ANK1: variants seen among roughly 807,000 people sequenced by gnomAD.
The protein encoded by ANK1 is ankyrin-1.
ANK1 carries 51 observed loss-of-function variants against 210.4 expected under a neutral mutation model. The observed-to-expected ratio is 0.24, with a 90% CI of 0.19 to 0.31. ANK1 has a LOEUF of 0.31. Ranked by LOEUF, ANK1 falls within the 10% of genes least tolerant of loss-of-function variation. The probability of loss-of-function intolerance (pLI) is 1.00; values close to 1 mark genes in which losing one functional copy is unlikely to be tolerated. For missense variants in ANK1, 2,051 were observed against 2,504.4 expected (o/e 0.82, Z 3.86); for synonymous variants, 967 against 1,025.9 (o/e 0.94, Z 1.10).
rs34773901 is a variant in ANK1, at chr8:41,740,162, ATT to A, written c.130-6095_130-6094del. On this transcript the variant is annotated intron_variant, in intron 2 of 42. Transcript: ENST00000289734. ...CTTGTTTTTTTTGTGTTTGTTTTTG[ATT>A]TTTTTTTTTTTTTTAGATGGAGTTT... 4.2e-3 allele frequency among the ~76,000 whole-genome samples: 576 copies of A among 137,398 alleles called. 2 individuals carry two copies. Among genetic ancestry groups the A allele is most frequent in the Non-Finnish European group, 5.2e-3 (337 of 64,616 alleles). The allele number at this position is 137,398 out of a possible 152,430, so 90.1% of individuals were successfully genotyped here.
intron 39 of ANK1, among the ~76,000 whole-genome samples, chr8:41,667,796 C>T (rs577480469): frequency 3.7e-4 from 57 of 152,228 alleles, no homozygotes; most frequent in African/African-American, 9.6e-4. Flanking sequence ...GTAACTTTGG[C>T]GACATTCCAA....
At chr8:41,667,007 A>C (rs924977546) in intron 39 of ANK1, among the ~76,000 whole-genome samples, 1 of 152,184 alleles carries the variant, frequency 6.6e-6, no homozygotes, top group African/African-American at 2.4e-5. Flanking sequence ...AGTGGAAAAA[A>C]GTGCTGTAGG....
At chr8:41,822,785 A>G (rs1439224146) in intron 1 of ANK1, among the ~76,000 whole-genome samples, 1 of 152,158 alleles carries the variant, frequency 6.6e-6, no homozygotes, top group Non-Finnish European at 1.5e-5. Context: ...TCCCACCAAC[A>G]GGGGCCGCTG....
At chr8:41,689,683 C>T (rs1770710725) in intron 33 of ANK1, among the ~76,000 whole-genome samples, 1 of 152,146 alleles carries the variant, frequency 6.6e-6, no homozygotes, top group Non-Finnish European at 1.5e-5. Context: ...GACAAATGAA[C>T]ATACGTGGCC....
At chr8:41,719,613 C>A (rs200261693) in intron 10 of ANK1, 48 bp downstream of exon 10, 11 of 1,611,804 alleles carry the variant, frequency 6.8e-6, no homozygotes, top group Non-Finnish European at 9.3e-6. Context: ...CTCCTGCCCC[C>A]AGCCTGCCCT....
intron 2 of ANK1, among the ~76,000 whole-genome samples, chr8:41,753,263 A>G (rs554988152): frequency 1.3e-5 from 2 of 152,002 alleles, no homozygotes; most frequent in Non-Finnish European, 2.9e-5. Flanking sequence ...AAATAGTTCC[A>G]TCATGTAGGC....
upstream of ANK1, among the ~76,000 whole-genome samples, chr8:41,800,795 G>A (rs761468140): frequency 2.2e-4 from 34 of 152,184 alleles, no homozygotes; most frequent in African/African-American, 4.8e-4. Context: ...GCGTGATCTC[G>A]GCTCTACCTC....
intron 2 of ANK1, 75 bp from the exon 3 acceptor site, chr8:41,734,144 GC>G (rs1476811689): frequency 1.6e-6 from 2 of 1,285,646 alleles, no homozygotes; most frequent in Admixed American, 3.4e-5. Flanking sequence ...GGGGGCCCAG[GC>G]CCCTTCCCAG....
At chr8:41,785,700 G>A (rs559660446) in intron 1 of ANK1, among the ~76,000 whole-genome samples, 5 of 152,322 alleles carry the variant, frequency 3.3e-5, no homozygotes, top group East Asian at 1.9e-4. Flanking sequence ...CATCACTTCC[G>A]GGCCTGGGCC....
chr8:41,777,578 T>A (rs906027906), intron 1 of ANK1, among the ~76,000 whole-genome samples: 2 of 151,868 alleles, frequency 1.3e-5, no homozygotes, highest in Non-Finnish European at 2.9e-5. Flanking sequence ...CAAGACTCCG[T>A]CTCAAAAAAA....
At chr8:41,658,049 T>G (rs1310478805) in intron 42 of ANK1, among the ~76,000 whole-genome samples, 9 of 152,150 alleles carry the variant, frequency 5.9e-5, no homozygotes, top group African/African-American at 2.2e-4. Context: ...GTCCAGCTAA[T>G]TTTTAAACTT....
At chr8:41,801,846 C>T (rs896096548), upstream of ANK1, among the ~76,000 whole-genome samples, 1 of 152,090 alleles carries the variant, frequency 6.6e-6, no homozygotes, top group African/African-American at 2.4e-5. Flanking sequence ...TTTTAACGAA[C>T]TAATATGGGT....
intron 38 of ANK1, among the ~76,000 whole-genome samples, chr8:41,670,924 G>A (rs1347586810): frequency 6.6e-6 from 1 of 152,214 alleles, no homozygotes; most frequent in East Asian, 1.9e-4. Flanking sequence ...CGCTTCCTGT[G>A]CTAGCCCAGG....
chr8:41,661,668 C>G lies in ANK1; in HGVS notation c.5545-104G>C, dbSNP rs781706028. On this transcript the variant is annotated intron_variant, in intron 41 of 42. Transcript: ENST00000289734. ...CACACGGAGGTGGCAGACACACTGC[C>G]CACCAGGGAGAAGAGAGACTGGAGA... The G allele has an allele frequency of 5.6e-6, 9 of 1,601,146 alleles. No homozygotes were observed. In the East Asian group the frequency reaches 2.0e-4, roughly 36 times the overall value.
upstream of ANK1, chr8:41,797,647 G>A (rs1477896780): frequency 6.6e-7 from 1 of 1,506,266 alleles, no homozygotes; most frequent in Non-Finnish European, 8.9e-7. The surrounding 1 kb of genome is among the most constrained non-coding windows in gnomAD (Gnocchi z 4.0). Context: ...GTGCGGGCCA[G>A]GCCCCCGAGG....
chr8:41,781,603 G>A (rs546318987), intron 1 of ANK1, among the ~76,000 whole-genome samples: 1 of 152,322 alleles, frequency 6.6e-6, no homozygotes, highest in South Asian at 2.1e-4. Flanking sequence ...GCAAGAGCAG[G>A]AGGCATGGCA....
Position 41,692,880 on chromosome 8 carries a change from A to C in ANK1, c.3630-4T>G, listed in dbSNP as rs754044960. The C allele has an allele frequency of 1.2e-6, 2 of 1,613,058 alleles. No homozygotes were observed. Among genetic ancestry groups the C allele is most frequent in the East Asian group, 2.2e-5 (1 of 44,868 alleles). ...AGGACAGTCCGACAGCCAAAACCTA[A>C]AAAGTAGGGCGAGTTATGTGTTCCC... On this transcript the variant is annotated splice_region_variant and splice_polypyrimidine_tract_variant and intron_variant, in intron 30 of 42. Coordinates refer to ENST00000289734, the MANE Select transcript of ANK1 (RefSeq NM_000037.4).
At chr8:41,896,376 G>T (rs1180460103) in exon 1 of ANK1, 3 of 1,600,698 alleles carry the variant, frequency 1.9e-6, no homozygotes, top group Non-Finnish European at 8.5e-7. Flanking sequence ...GGTCACGGGA[G>T]CGGTTTCTCC....
intron 17 of ANK1, 151 bp from the exon 18 acceptor site, chr8:41,706,392 A>G (rs574380736): frequency 1.1e-4 from 82 of 767,028 alleles, no homozygotes; most frequent in Admixed American, 2.3e-4. Flanking sequence ...CTGGGCCCCA[A>G]TGTCCTTATC....
Sources: allele counts gnomAD v4.1 joint callset (sites outside exome capture counted in the v4.1 genomes callset), GRCh38; gene constraint gnomAD v4.1.1; non-coding constraint Gnocchi (gnomAD v3.1); transcripts MANE v1.5; gene names NCBI Gene and HGNC (gene_info 2026-07-23, HGNC 2026-07-21).